The following PCDH17 variants were observed in gnomAD, a reference collection of about 807,000 sequenced individuals.
The protein encoded by PCDH17 is protocadherin 17, also known as protocadherin-17.
A neutral mutation model predicts 67.7 loss-of-function variants in PCDH17; 21 were observed. The observed-to-expected ratio is 0.31, with a 90% confidence interval of 0.22 to 0.45. The LOEUF is 0.45. PCDH17 is among the 20% of genes least tolerant of loss of function. The pLI, the probability that PCDH17 is intolerant of heterozygous loss-of-function variation, is 1.00. For missense variants in PCDH17, 1,471 were observed against 1,564.8 expected, an observed-to-expected ratio of 0.94 and a Z score of 1.01; for synonymous variants, 701 against 656.7, an observed-to-expected ratio of 1.07 and a Z score of -1.03.
rs1256501695 is a variant in PCDH17 at position 57,633,941 on chromosome 13, G to A, written c.1395G>A (p.Glu465=). 2.5e-6 allele frequency: 4 copies of A among 1,613,538 alleles called. No individual in the cohort carries two copies. Among genetic ancestry groups the A allele is most frequent in the Non-Finnish European group, 3.4e-6 (4 of 1,180,032 alleles). ...CGTTCGCGATCAAGATTCTAGACGAGAACGACAACCCGCCTCGGTTCACCA... is the reference window on the plus strand; with the variant it reads ...CGTTCGCGATCAAGATTCTAGACGAAAACGACAACCCGCCTCGGTTCACCA... ...TKSFAIKILD[E]NDNPPRFTKG... is the part of the protein sequence containing the mutation. The change falls in exon 1 of 4, where the codon GAG becomes GAA. Residue 465 remains glutamate (E), a synonymous_variant. Transcript: ENST00000377918. The surrounding 1 kb of genome is among the most constrained non-coding windows in gnomAD (Gnocchi z 6.2).
At chr13:57,670,552 T>C (rs1004669556) in intron 3 of PCDH17, among the ~76,000 whole-genome samples, 2 of 149,776 alleles carry the variant, frequency 1.3e-5, no homozygotes, top group Non-Finnish European at 3.0e-5. Context: ...TATATTTTTA[T>C]ATTAGAATAT....
chr13:57,692,116 TC>T (rs1190974930), intron 3 of PCDH17, among the ~76,000 whole-genome samples: 1 of 151,222 alleles, frequency 6.6e-6, no homozygotes, highest in African/African-American at 2.4e-5. Flanking sequence ...TCTTACTATT[TC>T]TTTTCATCCT....
chr13:57,648,499 C>G (rs558967004), intron 1 of PCDH17, among the ~76,000 whole-genome samples: 43 of 151,974 alleles, frequency 2.8e-4, no homozygotes, highest in African/African-American at 1.0e-3. Context: ...GAGCCATACT[C>G]AGTGCATTTT....
intron 3 of PCDH17, among the ~76,000 whole-genome samples, chr13:57,669,774 T>C (rs575102326): frequency 6.6e-6 from 1 of 152,236 alleles, no homozygotes; most frequent in Non-Finnish European, 1.5e-5. Flanking sequence ...TTTTCTATTT[T>C]CTACACAACC....
At chr13:57,701,787 T>A (rs1002403618) in intron 3 of PCDH17, among the ~76,000 whole-genome samples, 14 of 152,174 alleles carry the variant, frequency 9.2e-5, no homozygotes, top group African/African-American at 3.4e-4. Context: ...CATTTTTGCT[T>A]CAAATGTAAA....
At position 57,633,418 on chromosome 13, in the gene PCDH17, G is replaced by T; in HGVS notation, c.872G>T (p.Arg291Leu). ...AGCAGCTACGTGCCTGACCGCGTGCGGGAGCTCTTCTCCATCGACCCCAAG... is the reference window on the plus strand; with the variant it reads ...AGCAGCTACGTGCCTGACCGCGTGCTGGAGCTCTTCTCCATCGACCCCAAG... Reference protein sequence around the residue: ...SFSSYVPDRVRELFSIDPKTG... With the variant: ...SFSSYVPDRVLELFSIDPKTG... The change falls in exon 1 of 4, where the codon CGG (arginine) becomes CTG (leucine). Residue 291 changes from arginine to leucine, a missense_variant. Coordinates refer to ENST00000377918, the MANE Select transcript of PCDH17 (RefSeq NM_001040429.3). The surrounding 1 kb of genome is among the most constrained non-coding windows in gnomAD (Gnocchi z 6.2). 2 of 1,613,426 alleles carry T rather than the reference G, an allele frequency of 1.2e-6. No individual in the cohort carries two copies. The highest frequency in any genetic ancestry group is 1.7e-6 in the Non-Finnish European group (2 of 1,180,022).
chr13:57,673,766 C>G (rs1193487743), intron 3 of PCDH17, among the ~76,000 whole-genome samples: 1 of 151,864 alleles, frequency 6.6e-6, no homozygotes, highest in Non-Finnish European at 1.5e-5. Context: ...CAGTATTTGC[C>G]AGGACTTCCA....
At chr13:57,702,831 C>T (rs1032312232) in intron 3 of PCDH17, among the ~76,000 whole-genome samples, 31 of 152,150 alleles carry the variant, frequency 2.0e-4, no homozygotes, top group Non-Finnish European at 7.4e-5. Flanking sequence ...TGAACTGCTG[C>T]GACAATGAGT....
intron 1 of PCDH17, among the ~76,000 whole-genome samples, chr13:57,644,598 C>T (rs1954943591): frequency 6.6e-6 from 1 of 151,556 alleles, no homozygotes; most frequent in Non-Finnish European, 1.5e-5. Context: ...CAATACCCCC[C>T]TTGGGCAGAT....
chr13:57,702,162 C>T (rs1421882883), intron 3 of PCDH17, among the ~76,000 whole-genome samples: 1 of 152,092 alleles, frequency 6.6e-6, no homozygotes. Context: ...TGGTGATCCA[C>T]CGCCTCGGCC....
intron 3 of PCDH17, among the ~76,000 whole-genome samples, chr13:57,690,298 C>T (rs2138060609): frequency 6.6e-6 from 1 of 151,734 alleles, no homozygotes; most frequent in African/African-American, 2.4e-5. Context: ...AAAACATATG[C>T]TTTTCATATC....
Position 57,697,311 on chromosome 13 carries a change from G to A in PCDH17, c.2798-27301G>A, listed in dbSNP as rs566435177. Among the ~76,000 whole-genome samples the A allele has an allele frequency of 2.0e-5, 3 of 151,602 alleles. No individual in the cohort carries two copies. The South Asian group carries it at 6.2e-4, about 32-fold the overall frequency. Reference sequence around the variant, plus strand: ...CAGAACAGTGATTTAGCAAATTTTTGCATGTGTTCTGTGCTAGAAATCTAA... The same window carrying A: ...CAGAACAGTGATTTAGCAAATTTTTACATGTGTTCTGTGCTAGAAATCTAA... On this transcript the variant is annotated intron_variant, in intron 3 of 3. Coordinates refer to ENST00000377918, the MANE Select transcript of PCDH17 (RefSeq NM_001040429.3).
rs1402555345 is a variant in PCDH17 at position 57,639,272 on chromosome 13, G to A, written c.2565+4161G>A. 2.6e-5 allele frequency among the ~76,000 whole-genome samples: 4 copies of A among 151,856 alleles called. No homozygotes were observed. The East Asian group carries it at 7.7e-4, about 29-fold the overall frequency. On this transcript the variant is annotated intron_variant, in intron 1 of 3. Transcript: ENST00000377918. ...TTTTCTGTTTTATCAGGCATTAAAAGTAGTGTAAAGTAAATAAACTTAATT... is the reference window on the plus strand; with the variant it reads ...TTTTCTGTTTTATCAGGCATTAAAAATAGTGTAAAGTAAATAAACTTAATT...
At chr13:57,692,505 T>G (rs779346788) in intron 3 of PCDH17, among the ~76,000 whole-genome samples, 2 of 151,184 alleles carry the variant, frequency 1.3e-5, no homozygotes, top group Non-Finnish European at 3.0e-5. Context: ...TTCAGCTACA[T>G]TTCTAGTAAT....
At chr13:57,676,374 G>C (rs1271281164) in intron 3 of PCDH17, among the ~76,000 whole-genome samples, 2 of 151,850 alleles carry the variant, frequency 1.3e-5, no homozygotes, top group African/African-American at 4.8e-5. Flanking sequence ...AGGTGGTGAA[G>C]ACAGGGTGAG....
chr13:57,657,975 T>G (rs2138010682), intron 1 of PCDH17, among the ~76,000 whole-genome samples: 1 of 152,306 alleles, frequency 6.6e-6, no homozygotes, highest in African/African-American at 2.4e-5. Flanking sequence ...TACTTACAAT[T>G]ATTCTAGATT....
chr13:57,673,628 A>G (rs1955352634), intron 3 of PCDH17, among the ~76,000 whole-genome samples: 1 of 151,982 alleles, frequency 6.6e-6, no homozygotes, highest in African/African-American at 2.4e-5. Flanking sequence ...CTTAGGAAGG[A>G]AATAGAAAAT....
chr13:57,728,860 G>A lies in PCDH17; in HGVS notation c.*3566G>A, dbSNP rs1955933198. 1.3e-5 allele frequency: 2 copies of A among 152,392 alleles called. No individual in the cohort carries two copies. Among genetic ancestry groups the A allele is most frequent in the South Asian group, 2.1e-4 (1 of 4,824 alleles). 9.4% of individuals were successfully genotyped at this position (152,392 alleles called of 1,614,324 possible). A position where few individuals can be genotyped will look rare whatever the true frequency, so the allele number is the denominator to read the frequency against. On this transcript the variant is annotated 3_prime_UTR_variant, in exon 4 of 4. Transcript: ENST00000377918. ...TATGGCACCATAAAAAAGTCATGTA[G>A]TAATAGAGCATATGCTTTTTTAGAA...
upstream of PCDH17, chr13:57,631,665 G>C (rs1954722220): frequency 6.6e-6 from 1 of 152,480 alleles, no homozygotes; most frequent in South Asian, 2.1e-4. Context: ...GATTTCGGGG[G>C]AGAGCCTTTT....
Sources: gnomAD v4.1 joint callset for allele counts (sites outside exome capture counted in the v4.1 genomes callset) on GRCh38, gnomAD v4.1.1 for gene constraint, Gnocchi (gnomAD v3.1) non-coding constraint, MANE v1.5 for transcripts, NCBI Gene and HGNC (gene_info 2026-07-23, HGNC 2026-07-21) for gene names.